Variants in PCDH9 observed in about 807,000 individuals in gnomAD.
PCDH9 encodes the protein protocadherin-9.
PCDH9 carries 24 observed loss-of-function variants against 70.6 expected under a neutral mutation model. The ratio of observed to expected loss-of-function variants is 0.34; its 90% CI spans 0.25 to 0.48. PCDH9 has a LOEUF of 0.48. PCDH9 is among the 20% of genes least tolerant of loss of function. The pLI is 0.99. For synonymous variants in PCDH9, 562 were observed against 558.5 expected, an observed-to-expected ratio of 1.01 and a Z score of -0.09; for missense variants, 1,281 against 1,503.6, an observed-to-expected ratio of 0.85 and a Z score of 2.45.
At chr13:66,578,507 G>A (rs532912112) in intron 4 of PCDH9, among the ~76,000 whole-genome samples, 1 of 152,122 alleles carries the variant, frequency 6.6e-6, no homozygotes, top group South Asian at 2.1e-4. Context: ...TTGAGTGGGT[G>A]TAGTTTGACT....
At position 66,934,856 on chromosome 13, in the gene PCDH9, G is replaced by T. The variant is rs1472483976; in HGVS notation, c.3037-31251C>A. On this transcript the variant is annotated intron_variant, in intron 2 of 4. Transcript: ENST00000377865. ...CTGCCTCAGCCTCCCGAGTAGCTGG[G>T]ACTACAGGCGCCCGCTACCACGCCC... Among the ~76,000 whole-genome samples the T allele has an allele frequency of 6.1e-5, 9 of 147,264 alleles. No individual in the cohort carries two copies. In the South Asian group the frequency reaches 1.7e-3, roughly 29 times the overall value.
intron 4 of PCDH9, among the ~76,000 whole-genome samples, chr13:66,562,290 T>C (rs2076585082): frequency 6.6e-6 from 1 of 152,186 alleles, no homozygotes; most frequent in Non-Finnish European, 1.5e-5. Flanking sequence ...GCTCAGCATG[T>C]AGGCTGCTCT....
intron 2 of PCDH9, among the ~76,000 whole-genome samples, chr13:67,173,870 T>G (rs2138455016): frequency 6.6e-6 from 1 of 151,740 alleles, no homozygotes; most frequent in South Asian, 2.1e-4. Context: ...ATGAATTATT[T>G]GTGTTTTAAA....
intron 3 of PCDH9, among the ~76,000 whole-genome samples, chr13:66,670,215 C>G (rs1221956527): frequency 2.0e-5 from 3 of 152,058 alleles, no homozygotes. Context: ...TTGCTAGCAC[C>G]TAATAGAATT....
chr13:67,123,134 T>C (rs1328927500), intron 2 of PCDH9, among the ~76,000 whole-genome samples: 5 of 152,172 alleles, frequency 3.3e-5, no homozygotes, highest in Admixed American at 3.3e-4. Context: ...TACTAACCCT[T>C]CTAGGCATGT....
At chr13:66,515,718 G>T (rs915260852) in intron 4 of PCDH9, among the ~76,000 whole-genome samples, 5 of 151,842 alleles carry the variant, frequency 3.3e-5, no homozygotes, top group African/African-American at 7.2e-5. Context: ...AATTTAACAA[G>T]AATGTAAATA....
intron 2 of PCDH9, among the ~76,000 whole-genome samples, chr13:66,941,074 A>G (rs1376524284): frequency 2.6e-5 from 4 of 151,862 alleles, no homozygotes; most frequent in African/African-American, 9.7e-5. Context: ...ATTCAAAATA[A>G]AATACAATTT....
At chr13:67,048,241 G>A (rs1156626762) in intron 2 of PCDH9, among the ~76,000 whole-genome samples, 2 of 152,130 alleles carry the variant, frequency 1.3e-5, no homozygotes, top group Admixed American at 6.5e-5. Flanking sequence ...AAAATGGCAT[G>A]GAAACCAGTG....
At chr13:66,966,538 A>G (rs1043393596) in intron 2 of PCDH9, among the ~76,000 whole-genome samples, 6 of 152,182 alleles carry the variant, frequency 3.9e-5, no homozygotes, top group East Asian at 1.9e-4. Flanking sequence ...ATACTCAGAT[A>G]TATTTCCTAG....
chr13:66,433,504 C>A (rs533187073), intron 4 of PCDH9, among the ~76,000 whole-genome samples: 1 of 150,608 alleles, frequency 6.6e-6, no homozygotes. Context: ...ATAATGCCTA[C>A]ATGCTAATAT....
At chr13:67,007,875 A>G (rs1042760811) in intron 2 of PCDH9, among the ~76,000 whole-genome samples, 4 of 152,160 alleles carry the variant, frequency 2.6e-5, no homozygotes, top group African/African-American at 9.7e-5. Context: ...ACCTCATGAA[A>G]AACATAAAGT....
chr13:66,752,055 A>T (rs1834993556), intron 3 of PCDH9, among the ~76,000 whole-genome samples: 1 of 152,218 alleles, frequency 6.6e-6, no homozygotes, highest in Admixed American at 6.5e-5. Context: ...CTAACACCTG[A>T]ATGATAGAAA....
At chr13:66,634,672 A>T (rs2077614773) in intron 3 of PCDH9, among the ~76,000 whole-genome samples, 2 of 152,200 alleles carry the variant, frequency 1.3e-5, no homozygotes, top group Non-Finnish European at 2.9e-5. Context: ...GCAATACTTG[A>T]TACATTGGAG....
chr13:66,877,731 T>C (rs985957136), intron 3 of PCDH9, among the ~76,000 whole-genome samples: 1 of 152,170 alleles, frequency 6.6e-6, no homozygotes, highest in African/African-American at 2.4e-5. Flanking sequence ...AGGTACACAA[T>C]GTTTGATGTT....
chr13:67,075,686 T>C (rs1594476378), intron 2 of PCDH9, among the ~76,000 whole-genome samples: 2 of 152,264 alleles, frequency 1.3e-5, no homozygotes, highest in South Asian at 4.1e-4. Context: ...CATTCTCCAC[T>C]TCAGATGAAA....
At chr13:66,754,941 C>G (rs1467829404) in intron 3 of PCDH9, among the ~76,000 whole-genome samples, 2 of 151,986 alleles carry the variant, frequency 1.3e-5, no homozygotes, top group African/African-American at 4.8e-5. Context: ...GAAGAAACCT[C>G]TTATCAACAG....
chr13:66,885,315 A>G (rs968956298), intron 3 of PCDH9, among the ~76,000 whole-genome samples: 9 of 152,134 alleles, frequency 5.9e-5, no homozygotes, highest in African/African-American at 1.9e-4. Flanking sequence ...GATCTGTCTC[A>G]AGCTCTAGAA....
At chr13:66,642,507 CT>C (rs2077721777) in intron 3 of PCDH9, among the ~76,000 whole-genome samples, 1 of 151,974 alleles carries the variant, frequency 6.6e-6, no homozygotes, top group South Asian at 2.1e-4. Flanking sequence ...TTATTAGGTA[CT>C]TAATGATTCA....
chr13:66,354,172 G>A (rs1956341570), intron 4 of PCDH9, among the ~76,000 whole-genome samples: 1 of 152,026 alleles, frequency 6.6e-6, no homozygotes, highest in Admixed American at 6.6e-5. Context: ...TTTACCCAAA[G>A]AGGAGTTGGA....
Sources: gnomAD v4.1 joint callset for allele counts (sites outside exome capture counted in the v4.1 genomes callset) on GRCh38, gnomAD v4.1.1 for gene constraint, MANE v1.5 for transcripts, NCBI Gene and HGNC (gene_info 2026-07-23, HGNC 2026-07-21) for gene names.